SLIT3: variants seen among roughly 807,000 people sequenced by gnomAD.
The protein encoded by SLIT3 is slit homolog 3 protein.
SLIT3 carries 68 observed loss-of-function variants against 184.0 expected under a neutral mutation model. That is an observed-to-expected ratio of 0.37 (90% CI 0.30 to 0.45). SLIT3 has a LOEUF of 0.45. Among genes scored for constraint, SLIT3 ranks in the 20% least tolerant of loss-of-function variants. SLIT3 has a pLI of 1.00. For synonymous variants in SLIT3, 831 were observed against 828.6 expected, an observed-to-expected ratio of 1.00 and a Z score of -0.05; for missense variants, 1,707 against 2,026.0, an observed-to-expected ratio of 0.84 and a Z score of 3.02.
intron 29 of SLIT3, among the ~76,000 whole-genome samples, chr5:168,689,962 A>G (rs1761857068): frequency 6.6e-6 from 1 of 152,216 alleles, no homozygotes; most frequent in Non-Finnish European, 1.5e-5. Context: ...TCTCAAGATT[A>G]TGAAAGCTAG....
chr5:169,080,032 CG>C (rs1758962065), intron 4 of SLIT3, among the ~76,000 whole-genome samples: 1 of 151,368 alleles, frequency 6.6e-6, no homozygotes, highest in Non-Finnish European at 1.5e-5. Flanking sequence ...GCTACTGCAA[CG>C]GGGGTTTGCA....
chr5:169,271,089 G>T (rs1378439398), intron 1 of SLIT3, among the ~76,000 whole-genome samples: 1 of 152,208 alleles, frequency 6.6e-6, no homozygotes, highest in Non-Finnish European at 1.5e-5. Flanking sequence ...TCATGTGAAT[G>T]GTGGCCCAGG....
chr5:169,224,474 C>T (rs1764730689), intron 3 of SLIT3, among the ~76,000 whole-genome samples: 1 of 147,596 alleles, frequency 6.8e-6, no homozygotes, highest in Non-Finnish European at 1.5e-5. Context: ...GTCAAGTGAT[C>T]CTCCCACCTC....
chr5:169,132,816 T>A (rs1190167358), intron 4 of SLIT3, among the ~76,000 whole-genome samples: 1 of 152,252 alleles, frequency 6.6e-6, no homozygotes, highest in Non-Finnish European at 1.5e-5. Flanking sequence ...CTGTAATCCC[T>A]CTGGACATTT....
intron 3 of SLIT3, among the ~76,000 whole-genome samples, chr5:169,234,599 G>A (rs1561756685): frequency 6.6e-6 from 1 of 152,052 alleles, no homozygotes; most frequent in Non-Finnish European, 1.5e-5. Context: ...TAGAGACGAG[G>A]TTTCATCGAG....
chr5:169,239,022 C>CA (rs1161658900), intron 3 of SLIT3, among the ~76,000 whole-genome samples: 1 of 152,136 alleles, frequency 6.6e-6, no homozygotes, highest in African/African-American at 2.4e-5. Context: ...TGAGATACCA[C>CA]AACAGTCTTG....
chr5:169,184,684 T>A (rs932928218), intron 4 of SLIT3, among the ~76,000 whole-genome samples: 2 of 152,188 alleles, frequency 1.3e-5, no homozygotes, highest in African/African-American at 4.8e-5. Flanking sequence ...GGATGCAGCA[T>A]TTTAACCATC....
chr5:169,209,214 C>A (rs1764171469), intron 3 of SLIT3, among the ~76,000 whole-genome samples: 2 of 152,212 alleles, frequency 1.3e-5, no homozygotes, highest in South Asian at 4.1e-4. Flanking sequence ...CTCATCATCA[C>A]TGGTCATTAG....
chr5:168,814,429 A>T (rs528547398), intron 8 of SLIT3, among the ~76,000 whole-genome samples: 1 of 145,102 alleles, frequency 6.9e-6, no homozygotes, highest in Non-Finnish European at 1.5e-5. Context: ...AAACAAACAA[A>T]CACCCCACCA....
chr5:169,173,696 A>T (rs1381882686), intron 4 of SLIT3, among the ~76,000 whole-genome samples: 2 of 152,044 alleles, frequency 1.3e-5, no homozygotes, highest in Non-Finnish European at 2.9e-5. Context: ...TATTTTCCCT[A>T]TTTTCAGAGG....
chr5:168,891,970 A>G (rs1017030334), intron 4 of SLIT3, among the ~76,000 whole-genome samples: 2 of 152,184 alleles, frequency 1.3e-5, no homozygotes, highest in Non-Finnish European at 1.5e-5. Flanking sequence ...GTGCCAGCCA[A>G]TTGGATGCTT....
intron 4 of SLIT3, among the ~76,000 whole-genome samples, chr5:169,186,708 C>A (rs73805008): frequency 1.4e-3 from 208 of 152,228 alleles, no homozygotes; most frequent in African/African-American, 4.9e-3. Context: ...AGCATGTATA[C>A]GCGACACCTG....
intron 4 of SLIT3, among the ~76,000 whole-genome samples, chr5:169,112,558 C>T (rs745685772): frequency 1.3e-5 from 2 of 152,124 alleles, no homozygotes; most frequent in Non-Finnish European, 2.9e-5. Context: ...TGAGCTTGGG[C>T]GAGTGACTTT....
intron 5 of SLIT3, among the ~76,000 whole-genome samples, chr5:168,852,560 C>T (rs1436252103): frequency 6.6e-6 from 1 of 152,238 alleles, no homozygotes; most frequent in East Asian, 1.9e-4. Context: ...CTGGGGAGTG[C>T]TCCCTGACAG....
intron 4 of SLIT3, among the ~76,000 whole-genome samples, chr5:169,053,159 T>C (rs748055443): frequency 2.0e-5 from 3 of 152,196 alleles, no homozygotes; most frequent in Non-Finnish European, 2.9e-5. Flanking sequence ...TGGATTCCCT[T>C]TTCTAAGGAT....
At chr5:168,796,597 G>A (rs1756572222) in intron 9 of SLIT3, among the ~76,000 whole-genome samples, 1 of 152,174 alleles carries the variant, frequency 6.6e-6, no homozygotes, top group Admixed American at 6.5e-5. Context: ...TGTGGCAGGG[G>A]ACGTAGTGGG....
intron 20 of SLIT3, 52 bp downstream of exon 20, chr5:168,748,250 T>TGCTGCGGTG: frequency 7.0e-7 from 1 of 1,434,792 alleles, no homozygotes; most frequent in Non-Finnish European, 9.1e-7. Flanking sequence ...GTATGGAGGA[T>TGCTGCGGTG]GCTGCTGGTG....
At chr5:168,729,179 T>C (rs1763221995) in intron 20 of SLIT3, among the ~76,000 whole-genome samples, 1 of 152,016 alleles carries the variant, frequency 6.6e-6, no homozygotes, top group African/African-American at 2.4e-5. Flanking sequence ...TTGTTGATAT[T>C]ACCAAGGGGG....
At chr5:169,175,942 C>T (rs1762970537) in intron 4 of SLIT3, among the ~76,000 whole-genome samples, 2 of 152,210 alleles carry the variant, frequency 1.3e-5, no homozygotes, top group South Asian at 2.1e-4. Flanking sequence ...ATGGACCTTG[C>T]TCTCTCTCCA....
Sources: gnomAD v4.1 joint callset for allele counts (sites outside exome capture counted in the v4.1 genomes callset) on GRCh38, gnomAD v4.1.1 for gene constraint, MANE v1.5 for transcripts, NCBI Gene and HGNC (gene_info 2026-07-23, HGNC 2026-07-21) for gene names.